The following BANP variants were observed in gnomAD, a reference collection of about 807,000 sequenced individuals.
The protein encoded by BANP is BTG3 associated nuclear protein, also known as protein BANP.
A neutral mutation model predicts 68.1 loss-of-function variants in BANP; 11 were observed. The ratio of observed to expected loss-of-function variants is 0.16; its 90% CI spans 0.10 to 0.27. The LOEUF (loss-of-function observed/expected upper bound fraction) is 0.27. BANP is among the 10% of genes least tolerant of loss of function. The probability of loss-of-function intolerance (pLI) is 1.00; values close to 1 mark genes in which losing one functional copy is unlikely to be tolerated. For missense variants in BANP, 504 were observed against 722.7 expected, an observed-to-expected ratio of 0.70 and a Z score of 3.47; for synonymous variants, 329 against 303.2, an observed-to-expected ratio of 1.09 and a Z score of -0.88.
intron 11 of BANP, among the ~76,000 whole-genome samples, chr16:88,039,687 C>T (rs2152772785): frequency 7.0e-6 from 1 of 142,734 alleles, no homozygotes; most frequent in East Asian, 2.1e-4. Flanking sequence ...TCCAGCTTTT[C>T]TCAGCAGGCA....
chr16:88,002,308 T>C lies in BANP; in HGVS notation c.363-1987T>C, dbSNP rs2069640206. On this transcript the variant is annotated intron_variant, in intron 4 of 13. Coordinates refer to ENST00000682872, the MANE Select transcript of BANP (RefSeq NM_001386991.1). The surrounding 1 kb of genome is among the most constrained non-coding windows in gnomAD (Gnocchi z 4.6). ...CTGTTTTTGATGATCTCTGTCTATT[T>C]TGTTGAAAGCAAAGATTGCAACCCA... 1.3e-5 allele frequency among the ~76,000 whole-genome samples: 2 copies of C among 152,164 alleles called. No individual in the cohort carries two copies. The highest frequency in any genetic ancestry group is 6.5e-5 in the Admixed American group (1 of 15,278).
chr16:87,979,829 C>G (rs7195720), intron 2 of BANP, among the ~76,000 whole-genome samples: 11,013 of 152,076 alleles, frequency 0.072, 1,283 homozygotes, highest in African/African-American at 0.25. Flanking sequence ...AAAACTTAAA[C>G]CTATTAACCT....
intron 11 of BANP, among the ~76,000 whole-genome samples, chr16:88,055,124 T>C (rs2084663151): frequency 6.9e-6 from 1 of 144,920 alleles, no homozygotes; most frequent in East Asian, 2.0e-4. Flanking sequence ...TTTTTTGCCC[T>C]TTTTTTTTTT....
intron 11 of BANP, among the ~76,000 whole-genome samples, chr16:88,039,299 C>T (rs2080174725): frequency 6.8e-6 from 1 of 146,368 alleles, no homozygotes; most frequent in Non-Finnish European, 1.5e-5. Flanking sequence ...GCTTTGTGCT[C>T]ACTCCACTGG....
intron 6 of BANP, among the ~76,000 whole-genome samples, chr16:88,009,949 A>G (rs2072563794): frequency 6.6e-6 from 1 of 152,210 alleles, no homozygotes; most frequent in Non-Finnish European, 1.5e-5. Context: ...TCTCATTGGA[A>G]TAAGAAGGAC....
intron 13 of BANP, among the ~76,000 whole-genome samples, chr16:88,075,109 G>T (rs896098344): frequency 3.3e-5 from 5 of 152,154 alleles, no homozygotes; most frequent in African/African-American, 1.2e-4. Flanking sequence ...ATTTTGGGAG[G>T]CTGAGGCAGG....
Position 88,002,208 on chromosome 16 carries a change from A to T in BANP, c.363-2087A>T, listed in dbSNP as rs1242902420. Among the ~76,000 whole-genome samples, 1 of 151,820 alleles carries T rather than the reference A, an allele frequency of 6.6e-6. No individual in the cohort carries two copies. The highest frequency in any genetic ancestry group is 2.4e-5 in the African/African-American group (1 of 41,290). On this transcript the variant is annotated intron_variant, in intron 4 of 13. Transcript: ENST00000682872. This position sits in a 1 kb window ranked among gnomAD's most constrained non-coding sequence, Gnocchi z 4.6. ...GCTGGGAAACTTGGGTCCCATCGGTAATATGTGGGAGAGGAAGGAGTCCTT... is the reference window on the plus strand; with the variant it reads ...GCTGGGAAACTTGGGTCCCATCGGTTATATGTGGGAGAGGAAGGAGTCCTT...
At chr16:88,029,248 A>G (rs2077598945) in intron 8 of BANP, among the ~76,000 whole-genome samples, 1 of 143,730 alleles carries the variant, frequency 7.0e-6, no homozygotes, top group Admixed American at 7.3e-5. Flanking sequence ...CAGAGGTTGC[A>G]GTGAGCTGAG....
intron 11 of BANP, among the ~76,000 whole-genome samples, chr16:88,046,692 C>T (rs2082097503): frequency 6.6e-6 from 1 of 151,976 alleles, no homozygotes. Flanking sequence ...ATTATATAGG[C>T]ACCCGCCACC....
chr16:87,998,005 G>A (rs771171731), intron 4 of BANP, among the ~76,000 whole-genome samples: 9 of 152,176 alleles, frequency 5.9e-5, no homozygotes, highest in Non-Finnish European at 1.2e-4. Context: ...CATCCTGCTC[G>A]GTGGATTCTG....
chr16:87,970,796 A>C (rs1230524467), intron 1 of BANP, among the ~76,000 whole-genome samples: 4 of 152,120 alleles, frequency 2.6e-5, no homozygotes. Context: ...AGGTGGGCGA[A>C]TCACCTGAGG....
chr16:88,015,741 C>T (rs1187126208), intron 6 of BANP, among the ~76,000 whole-genome samples: 1 of 152,250 alleles, frequency 6.6e-6, no homozygotes, highest in East Asian at 1.9e-4. Flanking sequence ...AGGCAGCTGC[C>T]GCAGGGACTC....
intron 6 of BANP, among the ~76,000 whole-genome samples, chr16:88,012,194 G>T (rs562629596): frequency 6.6e-6 from 1 of 152,226 alleles, no homozygotes; most frequent in East Asian, 1.9e-4. Flanking sequence ...ATTTTGAGCC[G>T]TGATGTGTGT....
At chr16:88,005,009 C>G (rs2070570551) in intron 5 of BANP, among the ~76,000 whole-genome samples, 1 of 152,174 alleles carries the variant, frequency 6.6e-6, no homozygotes, top group Non-Finnish European at 1.5e-5. Context: ...GATGCTGTTG[C>G]TTTTTCTTTC....
chr16:87,954,170 T>C (rs904360029), intron 1 of BANP, among the ~76,000 whole-genome samples: 1 of 152,164 alleles, frequency 6.6e-6, no homozygotes, highest in African/African-American at 2.4e-5. Flanking sequence ...AGTTGCGTCT[T>C]TATCCTTCCT....
chr16:87,981,468 C>G (rs1217662085), intron 3 of BANP, among the ~76,000 whole-genome samples: 7 of 152,226 alleles, frequency 4.6e-5, no homozygotes, highest in African/African-American at 1.7e-4. Flanking sequence ...AAGGCCCACC[C>G]TAATCCAGGT....
intron 1 of BANP, chr16:87,956,554 C>T (rs777775322): frequency 9.9e-5 from 15 of 152,236 alleles, no homozygotes; most frequent in Non-Finnish European, 1.6e-4. Context: ...GAAAAAGCTA[C>T]ACTTGTTTTG....
At chr16:87,994,008 T>C (rs191614827) in intron 4 of BANP, among the ~76,000 whole-genome samples, 1 of 152,148 alleles carries the variant, frequency 6.6e-6, no homozygotes, top group African/African-American at 2.4e-5. Flanking sequence ...AAGATGACGT[T>C]AGAGACCAGG....
Position 88,018,835 on chromosome 16 carries a change from G to C in BANP, c.895+168G>C, listed in dbSNP as rs1328524028. 6.6e-6 allele frequency among the ~76,000 whole-genome samples: 1 copy of C among 152,166 alleles called. No individual in the cohort carries two copies. The highest frequency in any genetic ancestry group is 2.4e-5 in the African/African-American group (1 of 41,444). ...CAGTGCTCGAGGGGATGGATGAGCT[G>C]TTGACCCTGATGTGCTTATTACGCA... On this transcript the variant is annotated intron_variant, in intron 7 of 13. Transcript: ENST00000682872. This position sits in a 1 kb window ranked among gnomAD's most constrained non-coding sequence, Gnocchi z 7.7.
Sources: gnomAD v4.1 joint callset for allele counts (sites outside exome capture counted in the v4.1 genomes callset) on GRCh38, gnomAD v4.1.1 for gene constraint, Gnocchi (gnomAD v3.1) non-coding constraint, MANE v1.5 for transcripts, NCBI Gene and HGNC (gene_info 2026-07-23, HGNC 2026-07-21) for gene names.